The following TENM1 variants were observed in gnomAD, a reference collection of about 807,000 sequenced individuals.
TENM1 encodes the protein teneurin transmembrane protein 1, also known as teneurin-1.
In TENM1, 35 loss-of-function variants were observed where a neutral mutation model predicts 174.8. The observed-to-expected ratio is 0.20, with a 90% CI of 0.15 to 0.27. The LOEUF (loss-of-function observed/expected upper bound fraction) is 0.27, where lower values mean the gene tolerates loss of function less well. Among genes scored for constraint, TENM1 ranks in the 10% least tolerant of loss-of-function variants. TENM1 has a pLI of 1.00. For missense variants in TENM1, 1,633 were observed against 2,130.1 expected, an observed-to-expected ratio of 0.77 and a Z score of 4.59; for synonymous variants, 781 against 798.7, an observed-to-expected ratio of 0.98 and a Z score of 0.37.
At chrX:124,794,791 G>C (rs1233929816) in intron 3 of TENM1, among the ~76,000 whole-genome samples, 1 of 111,610 alleles carries the variant, frequency 9.0e-6, no homozygotes, top group Non-Finnish European at 1.9e-5. Flanking sequence ...TTAGCTTAGA[G>C]TTTCCTCTGT....
intron 6 of TENM1, among the ~76,000 whole-genome samples, chrX:124,662,219 C>G (rs946795111): frequency 4.5e-5 from 5 of 110,593 alleles, no homozygotes; most frequent in Admixed American, 9.7e-5. Context: ...CTTTGGGAAG[C>G]TGAGACGGGC....
At chrX:125,176,528 T>C in the TENM1 span, among the ~76,000 whole-genome samples, 1,041 of 111,738 alleles carry the variant, frequency 9.3e-3, 12 homozygotes, top group African/African-American at 0.032. Context: ...TCTCAGACTT[T>C]ATGGAAATAA....
intron 3 of TENM1, among the ~76,000 whole-genome samples, chrX:124,851,922 C>T (rs1474942595): frequency 7.2e-5 from 8 of 110,882 alleles, no homozygotes; most frequent in South Asian, 3.8e-4. Context: ...TAGAGATAAA[C>T]GATACAGAAT....
In TENM1 at chrX:124,947,768, T is replaced by C. The variant is rs781003176; in HGVS notation, c.217+15769A>G. On this transcript the variant is annotated intron_variant, in intron 1 of 31. Transcript: ENST00000422452. ...TTGTTTTGTTTCAGCTGTTCAGAAG[T>C]CACCTATGAAGTTAAGCCTCTTATG... Among the ~76,000 whole-genome samples the C allele has an allele frequency of 1.2e-4, 14 of 112,001 alleles. No individual in the cohort carries two copies. In the South Asian group the frequency reaches 5.3e-3, roughly 42 times the overall value.
chrX:124,612,003 AT>A (rs751250929), intron 11 of TENM1, among the ~76,000 whole-genome samples: 1 of 112,205 alleles, frequency 8.9e-6, no homozygotes, highest in African/African-American at 3.2e-5. Flanking sequence ...TTAAAATATG[AT>A]TTTTTCAGAA....
the TENM1 span, among the ~76,000 whole-genome samples, chrX:125,186,243 A>T: frequency 8.9e-6 from 1 of 112,085 alleles, no homozygotes; most frequent in Admixed American, 9.5e-5. Context: ...CAGAGAGATT[A>T]AATGGCTTTT....
chrX:124,498,996 G>C lies in TENM1; in HGVS notation c.3446-1731C>G, dbSNP rs146707505. On this transcript the variant is annotated intron_variant, in intron 19 of 31. Transcript: ENST00000422452. ...TGCTGAGCCTGGGCAGAAAATCCGAGGAACAAGTACTGCTGTGCTAAATAG... is the reference window on the plus strand; with the variant it reads ...TGCTGAGCCTGGGCAGAAAATCCGACGAACAAGTACTGCTGTGCTAAATAG... 4.5e-5 allele frequency among the ~76,000 whole-genome samples: 5 copies of C among 111,581 alleles called. No homozygotes were observed. In the East Asian group the frequency reaches 1.1e-3, roughly 25 times the overall value.
intron 31 of TENM1, among the ~76,000 whole-genome samples, chrX:124,382,101 G>T (rs1029545626): frequency 2.7e-5 from 3 of 111,355 alleles, no homozygotes; most frequent in African/African-American, 9.8e-5. Context: ...TCAGTTGAAA[G>T]AAAAAGCTCC....
chrX:124,692,470 A>G (rs1255241157), intron 5 of TENM1, among the ~76,000 whole-genome samples: 3 of 110,577 alleles, frequency 2.7e-5, no homozygotes, highest in African/African-American at 9.9e-5. Context: ...ATTATAATAC[A>G]TTAAAAAGGA....
At chrX:124,542,084 C>T (rs965341361) in intron 15 of TENM1, among the ~76,000 whole-genome samples, 1 of 112,372 alleles carries the variant, frequency 8.9e-6, no homozygotes, top group Non-Finnish European at 1.9e-5. Flanking sequence ...CCAGCTGTTC[C>T]AGCCCCCAGT....
At chrX:124,908,460 A>C (rs2057783388) in intron 1 of TENM1, among the ~76,000 whole-genome samples, 1 of 110,991 alleles carries the variant, frequency 9.0e-6, no homozygotes, top group African/African-American at 3.3e-5. Context: ...GCCAAGGATG[A>C]TGGTTTCCAG....
chrX:124,570,203 A>G (rs2049026707), intron 11 of TENM1, among the ~76,000 whole-genome samples: 1 of 111,661 alleles, frequency 9.0e-6, no homozygotes, highest in Non-Finnish European at 1.9e-5. Context: ...AACTTAATCC[A>G]TAATGGAAAA....
chrX:125,098,547 A>G, the TENM1 span, among the ~76,000 whole-genome samples: 1 of 112,469 alleles, frequency 8.9e-6, no homozygotes, highest in South Asian at 3.7e-4. Flanking sequence ...TTTCTTTTCA[A>G]GTTCATAAGG....
chrX:124,750,100 A>G (rs2054026667), intron 3 of TENM1, among the ~76,000 whole-genome samples: 1 of 112,086 alleles, frequency 8.9e-6, no homozygotes, highest in Non-Finnish European at 1.9e-5. Flanking sequence ...TGCTACAACT[A>G]TTACTTCTTT....
At chrX:124,448,708 C>T (rs771279548) in intron 23 of TENM1, among the ~76,000 whole-genome samples, 6 of 111,982 alleles carry the variant, frequency 5.4e-5, no homozygotes, top group Non-Finnish European at 9.4e-5. Flanking sequence ...CCTTCCTATG[C>T]ATGTTCCAGG....
At chrX:124,929,246 G>C (rs959091248) in intron 1 of TENM1, among the ~76,000 whole-genome samples, 9 of 111,373 alleles carry the variant, frequency 8.1e-5, no homozygotes, top group African/African-American at 1.6e-4. Context: ...ACCCTCCCTC[G>C]AATGTGGCAT....
chrX:124,418,931 C>T (rs999704827), intron 25 of TENM1, among the ~76,000 whole-genome samples: 16 of 111,717 alleles, frequency 1.4e-4, no homozygotes, highest in Non-Finnish European at 2.1e-4. Context: ...TTATGTGAAT[C>T]AGGACAAGTT....
intron 3 of TENM1, among the ~76,000 whole-genome samples, chrX:124,751,216 C>T (rs1358781679): frequency 9.0e-6 from 1 of 111,230 alleles, no homozygotes; most frequent in Non-Finnish European, 1.9e-5. Context: ...TATTATGTAC[C>T]TAAAAAAAAT....
chrX:124,623,336 ACATGAGTGTGTG>A (rs2050564774), intron 11 of TENM1, among the ~76,000 whole-genome samples: 1 of 111,485 alleles, frequency 9.0e-6, no homozygotes, highest in African/African-American at 3.3e-5. Context: ...GGGTGCATGT[ACATGAGTGTGTG>A]CATGAGTGTG....
Sources: allele counts gnomAD v4.1 joint callset (sites outside exome capture counted in the v4.1 genomes callset), GRCh38; gene constraint gnomAD v4.1.1; transcripts MANE v1.5; gene names NCBI Gene and HGNC (gene_info 2026-07-23, HGNC 2026-07-21).